Variants in GNB5 observed in about 807,000 individuals in gnomAD.
GNB5 encodes the protein guanine nucleotide-binding protein subunit beta-5.
A neutral mutation model predicts 55.3 loss-of-function variants in GNB5; 37 were observed. The ratio of observed to expected loss-of-function variants is 0.67; its 90% CI spans 0.51 to 0.88. The LOEUF (loss-of-function observed/expected upper bound fraction) is 0.88, where lower values mean the gene tolerates loss of function less well. GNB5 is among the 40% of genes least tolerant of loss of function. GNB5 has a pLI of 0.00. For missense variants in GNB5, 476 were observed against 515.3 expected (o/e 0.92, Z 0.74); for synonymous variants, 219 against 198.5 (o/e 1.10, Z -0.87).
At chr15:52,131,385 A>G (rs1343078059) in intron 9 of GNB5, among the ~76,000 whole-genome samples, 1 of 152,204 alleles carries the variant, frequency 6.6e-6, no homozygotes, top group Non-Finnish European at 1.5e-5. Context: ...CTATATGCAA[A>G]TACTATACCA....
At position 52,118,098 on chromosome 15, in the gene GNB5, CT is replaced by C. The variant is rs1639539856; in HGVS notation, c.*4658del. Reference sequence around the variant, plus strand: ...CTTCCGACTGCCTCTCTGGGACTTCCTCCACCGACCGGGGCTGTCCCAAAGC... The same window carrying C: ...CTTCCGACTGCCTCTCTGGGACTTCCCCACCGACCGGGGCTGTCCCAAAGC... On this transcript the variant is annotated 3_prime_UTR_variant, in exon 13 of 13. Transcript: ENST00000261837. The C allele has an allele frequency of 1.3e-5, 2 of 152,496 alleles. No homozygotes were observed. Among genetic ancestry groups the C allele is most frequent in the Non-Finnish European group, 2.9e-5 (2 of 68,246 alleles). 9.4% of individuals were successfully genotyped at this position (152,496 alleles called of 1,614,324 possible).
chr15:52,149,953 G>C (rs375416434), intron 4 of GNB5, 28 bp from the exon 5 acceptor site: 5 of 1,571,940 alleles, frequency 3.2e-6, no homozygotes, highest in East Asian at 4.5e-5. Context: ...AACAGTTTAG[G>C]GGTTGTCAAG....
intron 7 of GNB5, among the ~76,000 whole-genome samples, chr15:52,136,246 C>T (rs924156069): frequency 4.6e-5 from 7 of 151,704 alleles, no homozygotes; most frequent in African/African-American, 1.7e-4. Flanking sequence ...GCATTTCCTA[C>T]CCTCACAGTC....
At chr15:52,135,181 C>T (rs939584377) in intron 8 of GNB5, among the ~76,000 whole-genome samples, 3 of 152,080 alleles carry the variant, frequency 2.0e-5, no homozygotes, top group African/African-American at 7.2e-5. Flanking sequence ...GTCCTGGTGG[C>T]ATCACAGCGT....
intron 4 of GNB5, among the ~76,000 whole-genome samples, chr15:52,153,050 C>G (rs1165406177): frequency 2.6e-5 from 4 of 152,258 alleles, no homozygotes; most frequent in Non-Finnish European, 4.4e-5. Flanking sequence ...ATTCCAGCCT[C>G]TTGATAGTCA....
Position 52,149,933 on chromosome 15 carries a change from G to A in GNB5, c.376-8C>T. ...CACGATCACCTTCCCATCCTGGAGG[G>A]AGAAGAGCAAACAGTTTAGGGGTTG... On this transcript the variant is annotated splice_polypyrimidine_tract_variant and splice_region_variant and intron_variant, in intron 4 of 12. Transcript: ENST00000261837. The A allele has an allele frequency of 6.2e-7, 1 of 1,606,894 alleles. No individual in the cohort carries two copies. Among genetic ancestry groups the A allele is most frequent in the South Asian group, 1.1e-5 (1 of 90,864 alleles).
intron 3 of GNB5, among the ~76,000 whole-genome samples, chr15:52,173,252 C>T (rs1566948503): frequency 6.6e-6 from 1 of 152,064 alleles, no homozygotes; most frequent in Admixed American, 6.6e-5. Flanking sequence ...ACAGACATGG[C>T]CATTTTAGAT....
rs367625560 is a variant in GNB5, at chr15:52,129,313, G to A, written c.864-1069C>T. Among the ~76,000 whole-genome samples, 7 of 152,266 alleles carry A rather than the reference G, an allele frequency of 4.6e-5. No homozygotes were observed. In the East Asian group the frequency reaches 7.7e-4, roughly 17 times the overall value. On this transcript the variant is annotated intron_variant, in intron 9 of 12. Coordinates refer to ENST00000261837, the MANE Select transcript of GNB5 (RefSeq NM_016194.4). Reference sequence around the variant, plus strand: ...TATAGTTCCACAAAAGCCGCAGGAGGAGGAGTCCTTTTAAAACATTATTTA... The same window carrying A: ...TATAGTTCCACAAAAGCCGCAGGAGAAGGAGTCCTTTTAAAACATTATTTA...
At chr15:52,139,678 C>T in intron 7 of GNB5, 1 of 489,818 alleles carries the variant, frequency 2.0e-6, no homozygotes, top group Non-Finnish European at 3.1e-6. Flanking sequence ...AGCCAAGATC[C>T]AATCCTGCTG....
chr15:52,145,847 A>G (rs1596073836), intron 6 of GNB5, among the ~76,000 whole-genome samples: 1 of 152,156 alleles, frequency 6.6e-6, no homozygotes, highest in South Asian at 2.1e-4. Context: ...TCTTTAAAAT[A>G]AAATTCTTTC....
At chr15:52,164,080 G>T (rs1461994201) in intron 3 of GNB5, among the ~76,000 whole-genome samples, 3 of 152,038 alleles carry the variant, frequency 2.0e-5, no homozygotes, top group African/African-American at 7.2e-5. Flanking sequence ...GAGGCAAGAG[G>T]ATCACGAGGT....
intron 3 of GNB5, among the ~76,000 whole-genome samples, chr15:52,158,717 T>G (rs1277093561): frequency 6.6e-6 from 1 of 152,064 alleles, no homozygotes; most frequent in Non-Finnish European, 1.5e-5. Context: ...CCTGAGCAAC[T>G]TGGATTTGGT....
chr15:52,188,488 T>G (rs775870093), intron 1 of GNB5, among the ~76,000 whole-genome samples: 9 of 152,236 alleles, frequency 5.9e-5, no homozygotes, highest in Non-Finnish European at 1.2e-4. Flanking sequence ...CTGATTACAT[T>G]TCTGTATCTT....
At chr15:52,138,029 C>G (rs2033765682) in intron 7 of GNB5, 2 of 1,083,590 alleles carry the variant, frequency 1.8e-6, no homozygotes, top group East Asian at 1.2e-4. Flanking sequence ...CAATTTCCAG[C>G]TGCTGATGGG....
chr15:52,180,050 C>A, intron 2 of GNB5, 171 bp from the exon 3 acceptor site: 1 of 789,832 alleles, frequency 1.3e-6, no homozygotes, highest in Non-Finnish European at 1.7e-6. Flanking sequence ...CCCAAGACCC[C>A]GCACCTGGGC....
intron 3 of GNB5, among the ~76,000 whole-genome samples, chr15:52,169,673 T>C (rs2034523480): frequency 6.6e-6 from 1 of 151,134 alleles, no homozygotes; most frequent in Admixed American, 6.6e-5. Flanking sequence ...AAAGATTTCA[T>C]GACAAAAATG....
intron 7 of GNB5, chr15:52,139,885 G>A: frequency 1.6e-6 from 2 of 1,286,854 alleles, no homozygotes; most frequent in Admixed American, 2.3e-5. Context: ...TCTCCACAGA[G>A]GGGCTTCAGA....
chr15:52,164,684 G>C (rs2141226388), intron 3 of GNB5, among the ~76,000 whole-genome samples: 1 of 151,858 alleles, frequency 6.6e-6, no homozygotes, highest in South Asian at 2.1e-4. Context: ...TCATCAAAAA[G>C]ACTCCACAAA....
intron 3 of GNB5, among the ~76,000 whole-genome samples, chr15:52,175,911 T>G (rs954207359): frequency 6.6e-6 from 1 of 151,950 alleles, no homozygotes; most frequent in African/African-American, 2.4e-5. Context: ...TAGCCAGGTG[T>G]GATGGCATGT....
Sources: gnomAD v4.1 joint callset for allele counts (sites outside exome capture counted in the v4.1 genomes callset) on GRCh38, gnomAD v4.1.1 for gene constraint, MANE v1.5 for transcripts, NCBI Gene and HGNC (gene_info 2026-07-23, HGNC 2026-07-21) for gene names.